Variants in QSER1 observed in about 807,000 individuals in gnomAD.
The protein encoded by QSER1 is glutamine and serine-rich protein 1.
Under a neutral mutation model 158.5 loss-of-function variants are expected in QSER1, and 49 were observed. That is an observed-to-expected ratio of 0.31 (90% CI 0.25 to 0.39). The LOEUF (loss-of-function observed/expected upper bound fraction) is 0.39. QSER1 is among the 10% of genes least tolerant of loss of function. The pLI is 1.00. For missense variants in QSER1, 1,754 were observed against 2,010.3 expected, an observed-to-expected ratio of 0.87 and a Z score of 2.44; for synonymous variants, 650 against 715.5, an observed-to-expected ratio of 0.91 and a Z score of 1.46.
chr11:32,901,167 C>G (rs776449458), intron 1 of QSER1, among the ~76,000 whole-genome samples: 2 of 152,072 alleles, frequency 1.3e-5, no homozygotes, highest in Non-Finnish European at 2.9e-5. Context: ...CCTCAGTTTC[C>G]TTATGTAAAA....
chr11:32,979,921 A>G lies in QSER1; in HGVS notation c.*3447A>G, dbSNP rs1332118007. The stretch of plus-strand genomic sequence containing the variant: ...TTTGTTTTAAACTGTATTTCAATCT[A>G]TTTCTCCAAGATGCTTTTCATATAG... On this transcript the variant is annotated 3_prime_UTR_variant, in exon 13 of 13. Coordinates refer to ENST00000650167, the MANE Select transcript of QSER1 (RefSeq NM_001076786.3). The G allele has an allele frequency of 1.3e-5, 2 of 152,188 alleles. No homozygotes were observed. The highest frequency in any genetic ancestry group is 4.8e-5 in the African/African-American group (2 of 41,456). The allele number at this position is 152,188 out of a possible 1,614,324, so 9.4% of individuals were successfully genotyped here.
chr11:32,933,467 C>CA lies in QSER1; in HGVS notation c.2210dup (p.Ser738GlufsTer6). 1 of 1,612,232 alleles carries CA rather than the reference C, an allele frequency of 6.2e-7. No individual in the cohort carries two copies. The highest frequency in any genetic ancestry group is 8.5e-7 in the Non-Finnish European group (1 of 1,179,358). On this transcript the variant is annotated frameshift_variant, in exon 4 of 13. Coordinates refer to ENST00000650167, the MANE Select transcript of QSER1 (RefSeq NM_001076786.3). LOFTEE classifies it high-confidence loss of function. ...GTCAAAGGCAGATGACAGATATTCT[C>CA]AGAGTGTAATCAGAAGTAATTCCCG...
rs1203471646 is a variant in QSER1, at chr11:32,978,574, C to T, written c.*2100C>T. ...ATTTTCTTCATGATATGCCTCGTGG[C>T]AAACAAAGATGTTTCCTTAAGATGA... is the stretch of plus-strand genomic sequence containing the variant. On this transcript the variant is annotated 3_prime_UTR_variant, in exon 13 of 13. Transcript: ENST00000650167. The T allele has an allele frequency of 2.0e-5, 3 of 152,216 alleles. No individual in the cohort carries two copies. The highest frequency in any genetic ancestry group is 2.0e-4 in the Admixed American group (3 of 15,276). 9.4% of individuals were successfully genotyped at this position (152,216 alleles called of 1,614,324 possible).
At chr11:32,956,657 G>T (rs1447171443) in intron 7 of QSER1, among the ~76,000 whole-genome samples, 2 of 152,140 alleles carry the variant, frequency 1.3e-5, no homozygotes, top group Admixed American at 6.5e-5. Context: ...TATGACCGTA[G>T]ATGTTCTTAC....
chr11:32,964,779 C>T (rs944753939), intron 8 of QSER1, among the ~76,000 whole-genome samples: 1 of 142,940 alleles, frequency 7.0e-6, no homozygotes, highest in African/African-American at 2.8e-5. Context: ...CACACACACA[C>T]ACATACACAC....
intron 7 of QSER1, 46 bp from the exon 8 acceptor site, chr11:32,957,823 T>G (rs1305948032): frequency 9.7e-6 from 14 of 1,444,818 alleles, no homozygotes; most frequent in Non-Finnish European, 1.3e-5. Context: ...TATTTTAGTT[T>G]AACAAGATTT....
intron 4 of QSER1, among the ~76,000 whole-genome samples, chr11:32,950,036 A>G (rs1195056134): frequency 7.9e-5 from 12 of 152,172 alleles, no homozygotes; most frequent in African/African-American, 2.9e-4. Flanking sequence ...ATTTTAGCCT[A>G]TGGTCAAACA....
chr11:32,936,629 T>C (rs1487096805), intron 4 of QSER1, among the ~76,000 whole-genome samples: 1 of 152,180 alleles, frequency 6.6e-6, no homozygotes, highest in South Asian at 2.1e-4. Flanking sequence ...ACAGATGATA[T>C]AACTGAGAAT....
intron 10 of QSER1, among the ~76,000 whole-genome samples, chr11:32,970,985 C>T (rs970042111): frequency 1.2e-4 from 14 of 120,498 alleles, no homozygotes; most frequent in African/African-American, 3.5e-4. Flanking sequence ...CAGACTCTCG[C>T]TCTGTCTCCT....
chr11:32,945,641 C>G (rs894403477), intron 4 of QSER1, among the ~76,000 whole-genome samples: 93 of 151,350 alleles, frequency 6.1e-4, no homozygotes, highest in Middle Eastern at 6.8e-3. Flanking sequence ...TGAGGGTAAC[C>G]CGACCTTTCT....
In QSER1 at chr11:32,934,651, C is replaced by A; in HGVS notation, c.3393C>A (p.Asn1131Lys). The change falls in exon 4 of 13, where the codon AAC becomes AAA. Residue 1131 changes from asparagine to lysine, a missense_variant. Transcript: ENST00000650167. ...CTGTTGATAGTACATTAAATAATAA[C>A]AGAAACCAAGAGTTTGTTTCTAGTA... ...EAPVDSTLNN[N>K]RNQEFVSSSR... The A allele has an allele frequency of 6.2e-7, 1 of 1,613,754 alleles. No individual in the cohort carries two copies. The highest frequency in any genetic ancestry group is 1.1e-5 in the South Asian group (1 of 91,068).
At position 32,934,894 on chromosome 11, in the gene QSER1, A is replaced by G; in HGVS notation, c.3636A>G (p.Lys1212=). 3 of 1,613,928 alleles carry G rather than the reference A, an allele frequency of 1.9e-6. No homozygotes were observed. Among genetic ancestry groups the G allele is most frequent in the Non-Finnish European group, 2.5e-6 (3 of 1,179,964 alleles). The part of the protein sequence containing the change: ...KKRAKGKGQV[K]EEDNSNQKQL... Reference sequence around the variant, plus strand: ...GAGCTAAAGGAAAAGGGCAAGTTAAAGAGGAAGACAACAGTAATCAGAAAC... The same window carrying G: ...GAGCTAAAGGAAAAGGGCAAGTTAAGGAGGAAGACAACAGTAATCAGAAAC... Residue 1212 remains lysine (K), a synonymous_variant, in exon 4 of 13, where the codon AAA becomes AAG. Transcript: ENST00000650167.
intron 3 of QSER1, among the ~76,000 whole-genome samples, chr11:32,931,473 G>T (rs1192370686): frequency 1.3e-5 from 2 of 151,866 alleles, no homozygotes. Flanking sequence ...AGCTACTTGG[G>T]ACACTGCGGC....
chr11:32,954,029 TG>T lies in QSER1; in HGVS notation c.4352del (p.Gly1451ValfsTer16). The T allele has an allele frequency of 6.2e-7, 1 of 1,614,198 alleles. No individual in the cohort carries two copies. On this transcript the variant is annotated frameshift_variant, in exon 5 of 13. Coordinates refer to ENST00000650167, the MANE Select transcript of QSER1 (RefSeq NM_001076786.3). LOFTEE classifies it high-confidence loss of function. ...SESSKPIELD[G>X]LPSDQFAKGQ... Reference sequence around the variant, plus strand: ...AATCCTCAAAGCCCATTGAACTTGATGGTCTTCCTTCAGACCAGTTTGCAAA... The same window carrying T: ...AATCCTCAAAGCCCATTGAACTTGATGTCTTCCTTCAGACCAGTTTGCAAA...
chr11:32,894,399 G>C (rs1225484027), intron 1 of QSER1, among the ~76,000 whole-genome samples: 1 of 152,288 alleles, frequency 6.6e-6, no homozygotes, highest in Admixed American at 6.5e-5. Flanking sequence ...TGATTACATG[G>C]ACCAGGGAAT....
At chr11:32,929,518 C>T (rs561649932) in intron 3 of QSER1, among the ~76,000 whole-genome samples, 13 of 152,188 alleles carry the variant, frequency 8.5e-5, no homozygotes, top group Middle Eastern at 3.4e-3. Context: ...TAGAGCACGA[C>T]TGATTTTACT....
chr11:32,937,053 T>G (rs1852162801), intron 4 of QSER1, among the ~76,000 whole-genome samples: 1 of 152,140 alleles, frequency 6.6e-6, no homozygotes, highest in Non-Finnish European at 1.5e-5. Context: ...CCCTCTTACA[T>G]TCCCAGAATG....
intron 9 of QSER1, 64 bp from the exon 10 acceptor site, chr11:32,968,982 A>C: frequency 1.2e-6 from 1 of 863,532 alleles, no homozygotes; most frequent in South Asian, 1.8e-5. Context: ...TTTGAGAAAA[A>C]GTTGGATTTT....
chr11:32,956,669 C>T (rs1240882914), intron 7 of QSER1, among the ~76,000 whole-genome samples: 1 of 152,140 alleles, frequency 6.6e-6, no homozygotes, highest in Non-Finnish European at 1.5e-5. Context: ...TGTTCTTACT[C>T]CAGTGCCAAG....
Sources: allele counts gnomAD v4.1 joint callset (sites outside exome capture counted in the v4.1 genomes callset), GRCh38; gene constraint gnomAD v4.1.1; transcripts MANE v1.5; gene names NCBI Gene and HGNC (gene_info 2026-07-23, HGNC 2026-07-21).